WDPCP: variants seen among roughly 807,000 people sequenced by gnomAD.
The protein encoded by WDPCP is WD repeat containing planar cell polarity effector, also known as WD repeat-containing and planar cell polarity effector protein fritz homolog.
In WDPCP, 71 loss-of-function variants were observed where a neutral mutation model predicts 93.1. The observed-to-expected ratio is 0.76, with a 90% CI of 0.63 to 0.93. The LOEUF is 0.93. Ranked by LOEUF, WDPCP falls within the 40% of genes least tolerant of loss-of-function variation. The pLI, the probability that WDPCP is intolerant of heterozygous loss-of-function variation, is 0.00. For synonymous variants in WDPCP, 315 were observed against 315.0 expected, an observed-to-expected ratio of 1.00 and a Z score of 0.00; for missense variants, 844 against 887.4, an observed-to-expected ratio of 0.95 and a Z score of 0.62.
At chr2:63,815,165 T>C (rs1337927447) in intron 1 of WDPCP, among the ~76,000 whole-genome samples, 1 of 152,178 alleles carries the variant, frequency 6.6e-6, no homozygotes, top group Admixed American at 6.5e-5. Flanking sequence ...TAATGAGAAC[T>C]CTACACTTTT....
At chr2:63,608,566 T>C (rs1236049381) in intron 3 of WDPCP, among the ~76,000 whole-genome samples, 2 of 152,156 alleles carry the variant, frequency 1.3e-5, no homozygotes, top group Non-Finnish European at 2.9e-5. Context: ...ATTACTACTT[T>C]GGGAGGCCAG....
intron 12 of WDPCP, among the ~76,000 whole-genome samples, chr2:63,326,687 A>G (rs1687577322): frequency 6.6e-6 from 1 of 151,770 alleles, no homozygotes; most frequent in African/African-American, 2.4e-5. Flanking sequence ...AAAGATAGGA[A>G]GTCAAAGAGA....
chr2:63,808,314 T>TCTC (rs946761904), intron 2 of WDPCP, among the ~76,000 whole-genome samples: 1 of 120,852 alleles, frequency 8.3e-6, no homozygotes, highest in African/African-American at 2.8e-5. Context: ...CTCTCCCCTC[T>TCTC]CCCTCTCCCC....
chr2:63,622,843 A>C (rs1487361856), intron 3 of WDPCP: 3 of 1,601,130 alleles, frequency 1.9e-6, no homozygotes, highest in Non-Finnish European at 2.6e-6. Context: ...GTCCTGGCCG[A>C]AGTGGGCTCA....
intron 10 of WDPCP, among the ~76,000 whole-genome samples, chr2:63,395,111 T>G (rs924440714): frequency 1.3e-5 from 2 of 152,132 alleles, no homozygotes; most frequent in Non-Finnish European, 2.9e-5. Flanking sequence ...CAGAAATACA[T>G]ACTAACGTTG....
chr2:63,688,442 T>G (rs1668842496), intron 2 of WDPCP, among the ~76,000 whole-genome samples: 1 of 150,352 alleles, frequency 6.7e-6, no homozygotes. Flanking sequence ...AAAAAAAAGT[T>G]AAAACGATTG....
intron 12 of WDPCP, among the ~76,000 whole-genome samples, chr2:63,355,025 A>G (rs1689910153): frequency 6.6e-6 from 1 of 152,208 alleles, no homozygotes; most frequent in African/African-American, 2.4e-5. Context: ...ATATTTCAGG[A>G]TATGGTGCAT....
chr2:63,665,997 G>T (rs999622286), intron 2 of WDPCP, among the ~76,000 whole-genome samples: 6 of 152,220 alleles, frequency 3.9e-5, no homozygotes, highest in African/African-American at 1.4e-4. Context: ...CTGATTTTGG[G>T]CAGACATCTG....
intron 2 of WDPCP, 46 bp downstream of exon 2, chr2:63,492,810 T>C (rs780184674): frequency 2.0e-6 from 3 of 1,533,238 alleles, no homozygotes; most frequent in Non-Finnish European, 1.8e-6. Context: ...TTTATAATGG[T>C]GTAACATATT....
At chr2:63,282,660 C>T (rs55870043) in intron 13 of WDPCP, among the ~76,000 whole-genome samples, 3,974 of 152,060 alleles carry the variant, frequency 0.026, 79 homozygotes, top group Middle Eastern at 0.048. Flanking sequence ...TACTTTACAG[C>T]CATATACATT....
rs866530572 is a variant in WDPCP at position 63,277,188 on chromosome 2, G to C, written c.1813-17779C>G. 2.0e-5 allele frequency among the ~76,000 whole-genome samples: 3 copies of C among 150,860 alleles called. 1 individual carries two copies. Among genetic ancestry groups the C allele is most frequent in the Middle Eastern group, 6.8e-3 (2 of 294 alleles). ...AGACAGACAAATGCTGAGAGAATTC[G>C]CCACTACCATGCCAGCATGCCAAGA... On this transcript the variant is annotated intron_variant, in intron 13 of 17. Coordinates refer to ENST00000272321, the MANE Select transcript of WDPCP (RefSeq NM_015910.7).
At chr2:63,717,583 A>G (rs1669357356) in intron 2 of WDPCP, 2 of 524,382 alleles carry the variant, frequency 3.8e-6, no homozygotes, top group Non-Finnish European at 7.8e-6. Context: ...TTCATGGTAT[A>G]CCTGTCAGTG....
At chr2:63,594,020 T>G (rs528476060) in intron 3 of WDPCP, among the ~76,000 whole-genome samples, 1 of 152,354 alleles carries the variant, frequency 6.6e-6, no homozygotes, top group South Asian at 2.1e-4. Flanking sequence ...CCAGACAAAG[T>G]TGAAGCACGA....
intron 2 of WDPCP, among the ~76,000 whole-genome samples, chr2:63,745,303 T>A (rs1669778632): frequency 6.6e-6 from 1 of 152,136 alleles, no homozygotes; most frequent in Non-Finnish European, 1.5e-5. Context: ...GAAACCTGAG[T>A]CAAAGAATGG....
chr2:63,267,175 A>G (rs373547132), intron 13 of WDPCP, among the ~76,000 whole-genome samples: 3 of 152,210 alleles, frequency 2.0e-5, no homozygotes, highest in African/African-American at 7.2e-5. Flanking sequence ...TACAAATCCA[A>G]GTATTTATGG....
chr2:63,594,059 C>T (rs1009496611), intron 3 of WDPCP, among the ~76,000 whole-genome samples: 2 of 152,178 alleles, frequency 1.3e-5, no homozygotes, highest in Non-Finnish European at 2.9e-5. Context: ...TGTTTTGGCT[C>T]AATGTAAATG....
At chr2:63,258,872 A>G (rs967417111) in intron 14 of WDPCP, among the ~76,000 whole-genome samples, 1 of 152,170 alleles carries the variant, frequency 6.6e-6, no homozygotes, top group Non-Finnish European at 1.5e-5. Flanking sequence ...CAGCTTCTAA[A>G]CAAAAACAAT....
chr2:63,135,768 G>T (rs950606947), intron 17 of WDPCP, among the ~76,000 whole-genome samples: 3 of 151,056 alleles, frequency 2.0e-5, no homozygotes, highest in Non-Finnish European at 3.0e-5. Flanking sequence ...GTCTCACTCT[G>T]TCATCCAGGC....
intron 6 of WDPCP, among the ~76,000 whole-genome samples, chr2:63,481,497 C>A (rs1700265340): frequency 6.6e-6 from 1 of 151,924 alleles, no homozygotes; most frequent in Non-Finnish European, 1.5e-5. Flanking sequence ...AGCCCAAATG[C>A]CCATCAATCA....
Sources: allele counts gnomAD v4.1 joint callset (sites outside exome capture counted in the v4.1 genomes callset), GRCh38; gene constraint gnomAD v4.1.1; transcripts MANE v1.5; gene names NCBI Gene and HGNC (gene_info 2026-07-23, HGNC 2026-07-21).